The following ZDHHC21 variants were observed in gnomAD, a reference collection of about 807,000 sequenced individuals.
ZDHHC21 encodes the protein palmitoyltransferase ZDHHC21.
In ZDHHC21, 15 loss-of-function variants were observed where a neutral mutation model predicts 34.6. That is an observed-to-expected ratio of 0.43 (90% CI 0.29 to 0.67). ZDHHC21 has a LOEUF of 0.67. Ranked by LOEUF, ZDHHC21 falls within the 30% of genes least tolerant of loss-of-function variation. ZDHHC21 has a pLI of 0.14. For synonymous variants in ZDHHC21, 142 were observed against 101.8 expected (o/e 1.40, Z -2.38); for missense variants, 344 against 327.7 (o/e 1.05, Z -0.38).
the ZDHHC21 span, among the ~76,000 whole-genome samples, chr9:14,605,559 T>A: frequency 6.7e-6 from 1 of 148,996 alleles, no homozygotes; most frequent in East Asian, 1.9e-4. Flanking sequence ...TTCTATTAAG[T>A]TGTAGGAGCT....
intron 2 of ZDHHC21, among the ~76,000 whole-genome samples, chr9:14,689,206 T>A (rs1838807618): frequency 6.6e-6 from 1 of 152,206 alleles, no homozygotes; most frequent in Non-Finnish European, 1.5e-5. Context: ...GGGGGATCTT[T>A]AAGAAGAAAA....
intron 8 of ZDHHC21, among the ~76,000 whole-genome samples, chr9:14,621,395 C>A (rs1002472343): frequency 7.2e-5 from 11 of 151,952 alleles, no homozygotes; most frequent in Non-Finnish European, 1.6e-4. Context: ...TTAAAAAAAT[C>A]AACTTTAAAG....
chr9:14,598,219 A>C, the ZDHHC21 span, among the ~76,000 whole-genome samples: 4 of 152,114 alleles, frequency 2.6e-5, no homozygotes, highest in African/African-American at 4.8e-5. Flanking sequence ...TACCTAGCCA[A>C]CTGCCTCTAC....
chr9:14,664,567 A>C (rs1211096029), intron 5 of ZDHHC21, among the ~76,000 whole-genome samples: 4 of 151,174 alleles, frequency 2.6e-5, no homozygotes, highest in Non-Finnish European at 4.4e-5. Flanking sequence ...GGCACAGACA[A>C]ACAAAAAGAC....
At chr9:14,686,989 AAAC>A (rs1838422659) in intron 2 of ZDHHC21, among the ~76,000 whole-genome samples, 1 of 150,252 alleles carries the variant, frequency 6.7e-6, no homozygotes, top group Non-Finnish European at 1.5e-5. Context: ...ACAAAAAAAA[AAAC>A]AATGTTAAAG....
intron 2 of ZDHHC21, chr9:14,683,606 A>G (rs1263873488): frequency 2.0e-5 from 3 of 152,264 alleles, no homozygotes; most frequent in African/African-American, 4.8e-5. Flanking sequence ...ATTCACAGCC[A>G]AATTCTACCA....
chr9:14,679,775 G>A (rs886658234), intron 3 of ZDHHC21, among the ~76,000 whole-genome samples: 4 of 151,968 alleles, frequency 2.6e-5, no homozygotes, highest in African/African-American at 9.7e-5. Flanking sequence ...AGAAGGATTC[G>A]CTGTAAAGCC....
At chr9:14,601,503 C>T in the ZDHHC21 span, among the ~76,000 whole-genome samples, 6 of 152,258 alleles carry the variant, frequency 3.9e-5, no homozygotes, top group South Asian at 1.2e-3. Context: ...ACAACAGATG[C>T]TGGAGAGGAT....
At chr9:14,637,458 T>C (rs1221901058) in intron 8 of ZDHHC21, among the ~76,000 whole-genome samples, 1 of 152,010 alleles carries the variant, frequency 6.6e-6, no homozygotes, top group Non-Finnish European at 1.5e-5. Flanking sequence ...CTGCAAATTC[T>C]ACCAAGTGTT....
At chr9:14,636,904 A>C (rs1202591680) in intron 8 of ZDHHC21, among the ~76,000 whole-genome samples, 1 of 152,120 alleles carries the variant, frequency 6.6e-6, no homozygotes, top group Non-Finnish European at 1.5e-5. Flanking sequence ...CAACAAAAGC[A>C]GTGCTAGGAG....
At chr9:14,631,032 C>A (rs757674481) in intron 8 of ZDHHC21, among the ~76,000 whole-genome samples, 1 of 152,190 alleles carries the variant, frequency 6.6e-6, no homozygotes, top group East Asian at 1.9e-4. Context: ...TTAACCGTAA[C>A]AAGAGAGTCA....
chr9:14,683,230 A>C (rs899299012), intron 2 of ZDHHC21, among the ~76,000 whole-genome samples: 30 of 152,330 alleles, frequency 2.0e-4, no homozygotes, highest in South Asian at 4.1e-4. Flanking sequence ...CCCTTCAAAA[A>C]AATCAATGAA....
intron 7 of ZDHHC21, among the ~76,000 whole-genome samples, chr9:14,651,780 C>G (rs1469538019): frequency 6.6e-6 from 1 of 151,750 alleles, no homozygotes; most frequent in Non-Finnish European, 1.5e-5. Context: ...CATAATATAC[C>G]AAATGACTAG....
intron 3 of ZDHHC21, among the ~76,000 whole-genome samples, chr9:14,677,911 T>A (rs2131576760): frequency 6.6e-6 from 1 of 152,214 alleles, no homozygotes; most frequent in South Asian, 2.1e-4. Flanking sequence ...CATCAAGATG[T>A]AGATTTTAGA....
At chr9:14,688,972 A>T (rs1838767777) in intron 2 of ZDHHC21, among the ~76,000 whole-genome samples, 1 of 152,084 alleles carries the variant, frequency 6.6e-6, no homozygotes, top group African/African-American at 2.4e-5. Context: ...TAAGCCAGGG[A>T]GATGGAGACC....
intron 8 of ZDHHC21, among the ~76,000 whole-genome samples, chr9:14,631,505 A>C (rs780696619): frequency 4.6e-5 from 7 of 152,250 alleles, no homozygotes; most frequent in African/African-American, 7.2e-5. Flanking sequence ...TCTGTGAAGT[A>C]GCATTTTAAA....
chr9:14,680,393 C>A (rs994044539), intron 2 of ZDHHC21, among the ~76,000 whole-genome samples: 1 of 151,498 alleles, frequency 6.6e-6, no homozygotes, highest in Non-Finnish European at 1.5e-5. Context: ...CCCATAAAAT[C>A]AAATAAGCAT....
rs186800568 is a variant in ZDHHC21 at position 14,682,950 on chromosome 9, C to G, written c.-175-2788G>C. Among the ~76,000 whole-genome samples, 11 of 152,232 alleles carry G rather than the reference C, an allele frequency of 7.2e-5. No individual in the cohort carries two copies. In the East Asian group the frequency reaches 2.1e-3, roughly 29 times the overall value. ...TCCTGAGTGACTACTAGGTACATAA[C>G]GAAATGAAGGCAGAAATAAAGATGT... On this transcript the variant is annotated intron_variant, in intron 2 of 9. Coordinates refer to ENST00000380916, the MANE Select transcript of ZDHHC21 (RefSeq NM_178566.6).
At chr9:14,687,657 G>C (rs1412280988) in intron 2 of ZDHHC21, among the ~76,000 whole-genome samples, 2 of 150,756 alleles carry the variant, frequency 1.3e-5, no homozygotes, top group Non-Finnish European at 2.9e-5. Context: ...TTCCAGTCTG[G>C]GTGCCAGAGT....
Sources: gnomAD v4.1 joint callset for allele counts (sites outside exome capture counted in the v4.1 genomes callset) on GRCh38, gnomAD v4.1.1 for gene constraint, MANE v1.5 for transcripts, NCBI Gene and HGNC (gene_info 2026-07-23, HGNC 2026-07-21) for gene names.